Variants in SEMA5B observed in about 807,000 individuals in gnomAD.
SEMA5B encodes the protein semaphorin 5B, also known as semaphorin-5B.
SEMA5B carries 66 observed loss-of-function variants against 135.0 expected under a neutral mutation model. That is an observed-to-expected ratio of 0.49 (90% confidence interval 0.40 to 0.60). The LOEUF (loss-of-function observed/expected upper bound fraction) is 0.60, where lower values mean the gene tolerates loss of function less well. Ranked by LOEUF, SEMA5B falls within the 20% of genes least tolerant of loss-of-function variation. The probability of loss-of-function intolerance (pLI) is 0.00; values close to 1 mark genes in which losing one functional copy is unlikely to be tolerated. For missense variants in SEMA5B, 1,501 were observed against 1,566.3 expected (o/e 0.96, Z 0.70); for synonymous variants, 690 against 639.5 (o/e 1.08, Z -1.19).
At chr3:122,987,609 G>C (rs986518539) in intron 1 of SEMA5B, among the ~76,000 whole-genome samples, 1 of 152,228 alleles carries the variant, frequency 6.6e-6, no homozygotes, top group African/African-American at 2.4e-5. Flanking sequence ...GGCTCGGAAA[G>C]GGCAGGAGTG....
chr3:122,958,608 A>C (rs1940440393), intron 2 of SEMA5B, among the ~76,000 whole-genome samples: 1 of 152,214 alleles, frequency 6.6e-6, no homozygotes, highest in Non-Finnish European at 1.5e-5. Flanking sequence ...ATGCCTTCCC[A>C]TTGCTCTGAA....
rs542799754 is a variant in SEMA5B at position 122,921,806 on chromosome 3, A to G, written c.1688+109T>C. 2.2e-4 allele frequency: 177 copies of G among 820,214 alleles called. No homozygotes were observed. The East Asian group carries it at 5.0e-3, about 23-fold the overall frequency. 50.8% of individuals were successfully genotyped at this position (820,214 alleles called of 1,614,324 possible). A position where few individuals can be genotyped will look rare whatever the true frequency, so the allele number is the denominator to read the frequency against. ...GGTGGAGTGACTTGTCCTAAGGCAC[A>G]CTAGTGGAGACTGCAGGGACCGACC... is the stretch of plus-strand genomic sequence containing the variant. On this transcript the variant is annotated intron_variant, in intron 12 of 22. Transcript: ENST00000357599.
intron 13 of SEMA5B, 50 bp from the exon 14 acceptor site, chr3:122,915,671 G>T: frequency 6.2e-7 from 1 of 1,600,854 alleles, no homozygotes; most frequent in Non-Finnish European, 8.5e-7. Context: ...GCCAAGGGCA[G>T]GGAAGTCATA....
At chr3:123,004,486 C>T (rs1942256472) in intron 1 of SEMA5B, among the ~76,000 whole-genome samples, 1 of 152,206 alleles carries the variant, frequency 6.6e-6, no homozygotes, top group Non-Finnish European at 1.5e-5. Context: ...TTTATGCTTG[C>T]ATTACTCCGT....
Position 122,974,702 on chromosome 3 carries a change from C to G in SEMA5B, c.-38-13401G>C, listed in dbSNP as rs370388416. On this transcript the variant is annotated intron_variant, in intron 1 of 22. Coordinates refer to ENST00000357599, the MANE Select transcript of SEMA5B (RefSeq NM_001031702.4). ...GTCTTTAAGAGAAGCACAGTGAGCT[C>G]TTTCTGATCTGGTATAAACGAAGCC... 2.0e-5 allele frequency among the ~76,000 whole-genome samples: 3 copies of G among 152,250 alleles called. No individual in the cohort carries two copies. In the South Asian group the frequency reaches 6.2e-4, roughly 32 times the overall value.
In SEMA5B at chr3:122,912,395, C is replaced by T. The variant is rs1321614468; in HGVS notation, c.2726-53G>A. 3.4e-6 allele frequency: 5 copies of T among 1,473,628 alleles called. No homozygotes were observed. In the South Asian group the frequency reaches 5.6e-5, roughly 16 times the overall value. 91.3% of individuals were successfully genotyped at this position (1,473,628 alleles called of 1,614,324 possible). A position where few individuals can be genotyped will look rare whatever the true frequency, so the allele number is the denominator to read the frequency against. Reference sequence around the variant, plus strand: ...CTGTAGGGGCAGCCAGGGCCCAAGACGGTCTTCCATCCCATACCAGCCCAG... The same window carrying T: ...CTGTAGGGGCAGCCAGGGCCCAAGATGGTCTTCCATCCCATACCAGCCCAG... On this transcript the variant is annotated intron_variant, in intron 18 of 22. Coordinates refer to ENST00000357599, the MANE Select transcript of SEMA5B (RefSeq NM_001031702.4).
At chr3:122,928,456 C>T (rs933127430) in intron 7 of SEMA5B, 61 bp downstream of exon 7, 1 of 1,371,346 alleles carries the variant, frequency 7.3e-7, no homozygotes, top group South Asian at 1.4e-5. Context: ...GGCTGTGTGC[C>T]TAGGCAGGAG....
intron 1 of SEMA5B, among the ~76,000 whole-genome samples, chr3:123,017,184 G>C (rs1942583339): frequency 6.6e-6 from 1 of 152,038 alleles, no homozygotes; most frequent in African/African-American, 2.4e-5. Flanking sequence ...CCCCGCGCCT[G>C]GCCCAGATGC....
upstream of SEMA5B, among the ~76,000 whole-genome samples, chr3:123,028,229 G>C (rs1424759348): frequency 6.6e-6 from 1 of 152,328 alleles, no homozygotes; most frequent in East Asian, 1.9e-4. Context: ...AGTTCGGAAC[G>C]ATCTTCCTGC....
chr3:122,948,612 G>A lies in SEMA5B; in HGVS notation c.222C>T (p.Leu74=), dbSNP rs1185718216. ...PLAVSLLLPS[L]TLLVSHLSSS... Reference sequence around the variant, plus strand: ...TGGAGAGGTGGGACACCAGCAGTGTGAGGCTGGGCAGCAACAGCGAGACAG... The same window carrying A: ...TGGAGAGGTGGGACACCAGCAGTGTAAGGCTGGGCAGCAACAGCGAGACAG... Residue 74 remains leucine, a synonymous_variant, in exon 3 of 23, where the codon CTC becomes CTT. Transcript: ENST00000357599. 1 of 1,614,034 alleles carries A rather than the reference G, an allele frequency of 6.2e-7. No individual in the cohort carries two copies. The highest frequency in any genetic ancestry group is 1.7e-5 in the Admixed American group (1 of 60,016).
chr3:122,996,558 T>G (rs796910636), intron 1 of SEMA5B, among the ~76,000 whole-genome samples: 14 of 152,344 alleles, frequency 9.2e-5, no homozygotes, highest in African/African-American at 3.4e-4. Context: ...TGGGCCCACA[T>G]GGACTGAGAG....
chr3:123,016,544 T>C (rs1942562081), intron 1 of SEMA5B, among the ~76,000 whole-genome samples: 1 of 152,202 alleles, frequency 6.6e-6, no homozygotes, highest in Non-Finnish European at 1.5e-5. Flanking sequence ...TCTCTGTACA[T>C]GTTTAGCATA....
rs536749167 is a variant in SEMA5B at position 122,927,934 on chromosome 3, T to A, written c.706A>T (p.Asn236Tyr). The change falls in exon 8 of 23, where the codon AAC (asparagine) becomes TAC (tyrosine). Residue 236 changes from asparagine to tyrosine, a missense_variant. Coordinates refer to ENST00000357599, the MANE Select transcript of SEMA5B (RefSeq NM_001031702.4). ...TGGGAGGAGATGACAGCTGTGGAGT[T>A]GTGGCGTGGGTCATAGGGGCAGCGG... is the stretch of plus-strand genomic sequence containing the variant. ...VARCPYDPRHNSTAVISSQGE... is the reference protein window; with the variant it reads ...VARCPYDPRHYSTAVISSQGE... 2.5e-6 allele frequency: 4 copies of A among 1,591,110 alleles called. No homozygotes were observed. The highest frequency in any genetic ancestry group is 3.4e-6 in the Non-Finnish European group (4 of 1,167,936).
intron 2 of SEMA5B, among the ~76,000 whole-genome samples, chr3:122,957,623 G>T (rs1216084201): frequency 6.6e-6 from 1 of 152,232 alleles, no homozygotes; most frequent in Admixed American, 6.5e-5. Flanking sequence ...CATATTGACA[G>T]CATGCTAGGC....
intron 2 of SEMA5B, among the ~76,000 whole-genome samples, chr3:122,952,275 T>C (rs183106812): frequency 4.6e-5 from 7 of 152,312 alleles, no homozygotes; most frequent in Admixed American, 3.9e-4. Context: ...GCATGGGGTT[T>C]CGCCGTGCTG....
At chr3:122,911,897 C>T (rs760091758) in intron 20 of SEMA5B, 23 bp downstream of exon 20, 3 of 1,580,160 alleles carry the variant, frequency 1.9e-6, no homozygotes, top group South Asian at 2.3e-5. Context: ...GGTTGCTGCG[C>T]AGGTGCTGGC....
At chr3:122,998,011 C>A (rs778471530) in intron 1 of SEMA5B, among the ~76,000 whole-genome samples, 3 of 152,210 alleles carry the variant, frequency 2.0e-5, no homozygotes, top group Admixed American at 6.5e-5. Context: ...GCCCGACGAC[C>A]GCCATGGTGA....
At chr3:122,938,332 A>G (rs773799023) in intron 5 of SEMA5B, among the ~76,000 whole-genome samples, 1 of 152,202 alleles carries the variant, frequency 6.6e-6, no homozygotes, top group Non-Finnish European at 1.5e-5. Flanking sequence ...GGACAGACAA[A>G]TGGATGAATG....
intron 5 of SEMA5B, among the ~76,000 whole-genome samples, chr3:122,934,515 C>T (rs543231197): frequency 7.2e-5 from 11 of 152,172 alleles, no homozygotes; most frequent in South Asian, 6.2e-4. Context: ...GGACAAGTGA[C>T]GAGGTTTCTT....
Sources: allele counts gnomAD v4.1 joint callset (sites outside exome capture counted in the v4.1 genomes callset), GRCh38; gene constraint gnomAD v4.1.1; transcripts MANE v1.5; gene names NCBI Gene and HGNC (gene_info 2026-07-23, HGNC 2026-07-21).